ALDH1A2: variants seen among roughly 807,000 people sequenced by gnomAD.
ALDH1A2 encodes aldehyde dehydrogenase 1 family member A2.
ALDH1A2 carries 27 observed loss-of-function variants against 60.3 expected under a neutral mutation model. That is an observed-to-expected ratio of 0.45 (90% CI 0.33 to 0.62). The LOEUF is 0.62. Among genes scored for constraint, ALDH1A2 ranks in the 20% least tolerant of loss-of-function variants. The pLI is 0.02. For synonymous variants in ALDH1A2, 289 were observed against 232.4 expected (o/e 1.24, Z -2.21); for missense variants, 581 against 643.8 (o/e 0.90, Z 1.06).
chr15:58,022,973 G>A (rs1174208388), intron 1 of ALDH1A2, among the ~76,000 whole-genome samples: 5 of 152,066 alleles, frequency 3.3e-5, no homozygotes, highest in African/African-American at 9.7e-5. Flanking sequence ...ACCTCCAAAG[G>A]AACACCATAC....
chr15:58,058,025 A>AT lies in ALDH1A2; in HGVS notation c.117+7508dup, dbSNP rs775691560. On this transcript the variant is annotated intron_variant, in intron 1 of 12. Coordinates refer to ENST00000249750, the MANE Select transcript of ALDH1A2 (RefSeq NM_003888.4). ...GGCAGAATTCACCAGTTTCAGTTTT[A>AT]TTGGGGATTTTAACCAAACAGTCTC... The AT allele has an allele frequency of 1.2e-5, 18 of 1,512,740 alleles. No homozygotes were observed. The South Asian group carries it at 2.2e-4, about 19-fold the overall frequency. The allele number at this position is 1,512,740 out of a possible 1,614,324, so 93.7% of individuals were successfully genotyped here. A position where few individuals can be genotyped will look rare whatever the true frequency, so the allele number is the denominator to read the frequency against.
Position 57,960,777 on chromosome 15 carries a change from T to C in ALDH1A2, c.1477A>G (p.Arg493Gly). The C allele has an allele frequency of 6.2e-7, 1 of 1,613,810 alleles. No homozygotes were observed. Among genetic ancestry groups the C allele is most frequent in the Non-Finnish European group, 8.5e-7 (1 of 1,179,730 alleles). ...FGGFKMSGNG[R>G]EMGEFGLREY... Reference sequence around the variant, plus strand: ...AGCAACTTTAAGACTTACATTTCTCTCCCATTTCCAGACATCTTGAATCCC... The same window carrying C: ...AGCAACTTTAAGACTTACATTTCTCCCCCATTTCCAGACATCTTGAATCCC... The change falls in exon 12 of 13, where the codon AGA (arginine) becomes GGA (glycine). Residue 493 changes from arginine to glycine, a missense_variant. By Grantham distance (125) the Arg-to-Gly change is moderately radical (BLOSUM62 -2). Around this residue, in one of 2 missense-constraint regions of ALDH1A2, gnomAD observed 375 missense variants for 469.7 expected, o/e 0.80. Coordinates refer to ENST00000249750, the MANE Select transcript of ALDH1A2 (RefSeq NM_003888.4).
chr15:58,036,367 A>G (rs1896378290), intron 1 of ALDH1A2, among the ~76,000 whole-genome samples: 2 of 151,582 alleles, frequency 1.3e-5, no homozygotes, highest in African/African-American at 4.8e-5. Flanking sequence ...AATGACAGAA[A>G]GACACTGGGC....
intron 1 of ALDH1A2, among the ~76,000 whole-genome samples, chr15:58,028,023 C>G (rs1244675782): frequency 6.6e-6 from 1 of 152,100 alleles, no homozygotes; most frequent in Non-Finnish European, 1.5e-5. Flanking sequence ...GGCAGGCCAG[C>G]ATTCAAATTT....
chr15:57,981,289 A>AACAC (rs775138747), intron 7 of ALDH1A2, among the ~76,000 whole-genome samples: 12,305 of 141,988 alleles, frequency 0.087, 588 homozygotes, highest in East Asian at 0.097. Context: ...TAGAAGAGCA[A>AACAC]ACACACACAC....
chr15:58,042,662 C>T (rs1896548397), intron 1 of ALDH1A2, among the ~76,000 whole-genome samples: 1 of 151,894 alleles, frequency 6.6e-6, no homozygotes, highest in Admixed American at 6.6e-5. Context: ...AGGCTTCCTA[C>T]ATTTTTCTTG....
At position 58,000,170 on chromosome 15, in the gene ALDH1A2, T is replaced by C. The variant is rs192992918; in HGVS notation, c.494-5031A>G. ...CCACCATGGCACACGTTTACCTGTG[T>C]AACAAACCTGCACAGGTAATCCAGA... On this transcript the variant is annotated intron_variant, in intron 4 of 12. Transcript: ENST00000249750. Among the ~76,000 whole-genome samples the C allele has an allele frequency of 1.5e-3, 235 of 152,072 alleles. 1 individual carries two copies. The highest frequency in any genetic ancestry group is 3.1e-3 in the South Asian group (15 of 4,826).
chr15:57,968,580 A>T (rs1893967215), intron 7 of ALDH1A2, among the ~76,000 whole-genome samples: 1 of 152,264 alleles, frequency 6.6e-6, no homozygotes, highest in Admixed American at 6.5e-5. Flanking sequence ...CAAAGTAGGT[A>T]GGAATATCAC....
At chr15:57,981,639 C>A (rs1008755507) in intron 7 of ALDH1A2, among the ~76,000 whole-genome samples, 1 of 152,160 alleles carries the variant, frequency 6.6e-6, no homozygotes, top group Non-Finnish European at 1.5e-5. Flanking sequence ...AAAAGTCACA[C>A]AGCAGGAAAG....
At chr15:58,047,339 T>C (rs950087399) in intron 1 of ALDH1A2, among the ~76,000 whole-genome samples, 3 of 152,012 alleles carry the variant, frequency 2.0e-5, no homozygotes, top group African/African-American at 7.2e-5. Context: ...TTAAACTGTT[T>C]TCATTCCTCA....
At chr15:58,008,136 G>A (rs1895518004) in intron 4 of ALDH1A2, among the ~76,000 whole-genome samples, 1 of 152,056 alleles carries the variant, frequency 6.6e-6, no homozygotes, top group African/African-American at 2.4e-5. Flanking sequence ...CATGGAGAGA[G>A]CTCTTATGAC....
At chr15:58,025,188 G>C (rs1191486540) in intron 1 of ALDH1A2, among the ~76,000 whole-genome samples, 1 of 152,028 alleles carries the variant, frequency 6.6e-6, no homozygotes, top group African/African-American at 2.4e-5. Flanking sequence ...ATAAAGATCA[G>C]ATGTAACTAA....
At chr15:58,013,622 C>T (rs61296280) in intron 3 of ALDH1A2, among the ~76,000 whole-genome samples, 217 of 152,086 alleles carry the variant, frequency 1.4e-3, no homozygotes, top group African/African-American at 4.9e-3. Context: ...TGTGGTGGCA[C>T]GTGCACGTAA....
chr15:58,014,442 A>G (rs1330516454), intron 1 of ALDH1A2, 161 bp from the exon 2 acceptor site: 1 of 696,196 alleles, frequency 1.4e-6, no homozygotes, highest in South Asian at 1.5e-5. Context: ...ACGCCAATTT[A>G]GGAATTTCCT....
In ALDH1A2 at chr15:58,033,987, A is replaced by G. The variant is rs184471081; in HGVS notation, c.118-19706T>C. 1.1e-4 allele frequency among the ~76,000 whole-genome samples: 16 copies of G among 151,386 alleles called. No individual in the cohort carries two copies. In the East Asian group the frequency reaches 2.9e-3, roughly 28 times the overall value. ...GCTATTCTAGGTCTTTTGCCTTTCCATATAAACTTTATAATTAGTTTGTTA... is the reference window on the plus strand; with the variant it reads ...GCTATTCTAGGTCTTTTGCCTTTCCGTATAAACTTTATAATTAGTTTGTTA... On this transcript the variant is annotated intron_variant, in intron 1 of 12. Coordinates refer to ENST00000249750, the MANE Select transcript of ALDH1A2 (RefSeq NM_003888.4).
chr15:58,006,444 T>C (rs1359648004), intron 4 of ALDH1A2, among the ~76,000 whole-genome samples: 2 of 152,134 alleles, frequency 1.3e-5, no homozygotes, highest in East Asian at 3.9e-4. Context: ...GTACCATATT[T>C]TTGCAGTTTC....
Position 57,969,969 on chromosome 15 carries a change from T to C in ALDH1A2, c.799-4142A>G, listed in dbSNP as rs35263463. The stretch of plus-strand genomic sequence containing the variant: ...ATCTTCAATTTGGGAAAGCCACTTC[T>C]CCTCCTGGGTCTCAGCTTCTGCATC... On this transcript the variant is annotated intron_variant, in intron 7 of 12. Coordinates refer to ENST00000249750, the MANE Select transcript of ALDH1A2 (RefSeq NM_003888.4). Among the ~76,000 whole-genome samples the C allele has an allele frequency of 2.6e-3, 401 of 152,218 alleles. 1 individual carries two copies. Among genetic ancestry groups the C allele is most frequent in the African/African-American group, 9.4e-3 (390 of 41,490 alleles).
rs956393824 is a variant in ALDH1A2, at chr15:58,010,717, C to G, written c.425G>C (p.Gly142Ala). The change falls in exon 4 of 13, where the codon GGC (glycine) becomes GCC (alanine). Residue 142 changes from glycine (G) to alanine (A), a missense_variant. By Grantham distance (60) the Gly-to-Ala change is moderately conservative. Transcript: ENST00000249750. Reference protein sequence around the residue: ...FLQAFYVDLQGVIKTFRYYAG... With the variant: ...FLQAFYVDLQAVIKTFRYYAG... ...GTAATATCGAAAGGTTTTGATGACG[C>G]CCTGCAAATCCACATAAAAAGCTTG... 1 of 1,613,486 alleles carries G rather than the reference C, an allele frequency of 6.2e-7. No homozygotes were observed.
At position 57,961,980 on chromosome 15, in the gene ALDH1A2, T is replaced by A. The variant is rs35153668; in HGVS notation, c.1251+32A>T. The A allele has an allele frequency of 0.013, 21,241 of 1,613,580 alleles. 457 individuals carry two copies. The highest frequency in any genetic ancestry group is 0.092 in the African/African-American group (6,926 of 75,014). On this transcript the variant is annotated intron_variant, in intron 10 of 12. Coordinates refer to ENST00000249750, the MANE Select transcript of ALDH1A2 (RefSeq NM_003888.4). ...GCTCTAGAAATGATCCCAAGAAAGA[T>A]GTGGCTTTTGTAAGAACAGCATATT...
Sources: allele counts gnomAD v4.1 joint callset (sites outside exome capture counted in the v4.1 genomes callset), GRCh38; gene constraint gnomAD v4.1.1; regional missense constraint gnomAD v4.1.1; transcripts MANE v1.5; gene names NCBI Gene and HGNC (gene_info 2026-07-23, HGNC 2026-07-21).